Variants in MAGI3 observed in about 807,000 individuals in gnomAD.
MAGI3 encodes membrane associated guanylate kinase, WW and PDZ domain containing 3, also known as membrane-associated guanylate kinase, WW and PDZ domain-containing protein 3.
MAGI3 carries 43 observed loss-of-function variants against 121.8 expected under a neutral mutation model. The observed-to-expected ratio is 0.35, with a 90% CI of 0.28 to 0.46. MAGI3 has a LOEUF of 0.46. Ranked by LOEUF, MAGI3 falls within the 20% of genes least tolerant of loss-of-function variation. The pLI is 1.00. For synonymous variants in MAGI3, 553 were observed against 639.3 expected (o/e 0.86, Z 2.04); for missense variants, 1,547 against 1,797.3 (o/e 0.86, Z 2.52).
intron 1 of MAGI3, among the ~76,000 whole-genome samples, chr1:113,413,227 A>G (rs1271803960): frequency 2.0e-5 from 3 of 152,008 alleles, no homozygotes; most frequent in African/African-American, 7.3e-5. Context: ...GTTCTGTTCC[A>G]TTGGCCTATA....
intron 15 of MAGI3, among the ~76,000 whole-genome samples, chr1:113,654,539 T>C (rs143640343): frequency 3.9e-4 from 60 of 152,292 alleles, no homozygotes; most frequent in African/African-American, 1.3e-3. Context: ...CTTTTATAAA[T>C]GTTTCATTGA....
At chr1:113,673,000 C>T (rs1433637714) in intron 18 of MAGI3, among the ~76,000 whole-genome samples, 1 of 152,196 alleles carries the variant, frequency 6.6e-6, no homozygotes, top group Non-Finnish European at 1.5e-5. Context: ...TAATCAAATT[C>T]AGGTTTTTTT....
intron 1 of MAGI3, among the ~76,000 whole-genome samples, chr1:113,439,724 G>T (rs1173445450): frequency 6.6e-6 from 1 of 152,128 alleles, no homozygotes; most frequent in Non-Finnish European, 1.5e-5. Flanking sequence ...TAATTGTGTT[G>T]TTTTAGACAC....
Position 113,564,777 on chromosome 1 carries a change from A to T in MAGI3, c.433+15146A>T, listed in dbSNP as rs114074086. Among the ~76,000 whole-genome samples the T allele has an allele frequency of 8.5e-3, 1,290 of 152,264 alleles. 13 individuals are homozygous for T. The highest frequency in any genetic ancestry group is 0.03 in the African/African-American group (1,228 of 41,540). Reference sequence around the variant, plus strand: ...AAAAATCATTTAAAATTTGAAAGATAATCACATACGTATTTAGTATTTGAA... The same window carrying T: ...AAAAATCATTTAAAATTTGAAAGATTATCACATACGTATTTAGTATTTGAA... On this transcript the variant is annotated intron_variant, in intron 2 of 20. Coordinates refer to ENST00000307546, the MANE Select transcript of MAGI3 (RefSeq NM_001142782.2).
intron 2 of MAGI3, among the ~76,000 whole-genome samples, chr1:113,580,111 G>A (rs1446649250): frequency 1.1e-4 from 17 of 151,998 alleles, no homozygotes; most frequent in Admixed American, 1.1e-3. Flanking sequence ...TACTTGAAGA[G>A]AATAATGGCT....
intron 6 of MAGI3, among the ~76,000 whole-genome samples, chr1:113,613,033 T>C (rs1236380536): frequency 6.6e-6 from 1 of 152,058 alleles, no homozygotes; most frequent in Non-Finnish European, 1.5e-5. Context: ...AAGAAAAAAA[T>C]ATTTTTCATG....
intron 1 of MAGI3, among the ~76,000 whole-genome samples, chr1:113,512,019 A>G (rs1438401975): frequency 1.3e-5 from 2 of 152,188 alleles, no homozygotes; most frequent in Non-Finnish European, 1.5e-5. Context: ...TTCTCTTTAA[A>G]TGTAGAGGTC....
intron 1 of MAGI3, among the ~76,000 whole-genome samples, chr1:113,429,990 T>A (rs1653219339): frequency 6.6e-6 from 1 of 152,144 alleles, no homozygotes; most frequent in Non-Finnish European, 1.5e-5. Context: ...TCAGAAACAC[T>A]AAGTGAAACA....
chr1:113,640,871 A>G (rs1557868520), intron 9 of MAGI3, among the ~76,000 whole-genome samples: 1 of 147,164 alleles, frequency 6.8e-6, no homozygotes, highest in Non-Finnish European at 1.5e-5. Flanking sequence ...CTGCACTTGC[A>G]TCCTGGAACT....
chr1:113,432,393 C>T (rs1311189601), intron 1 of MAGI3, among the ~76,000 whole-genome samples: 1 of 152,130 alleles, frequency 6.6e-6, no homozygotes, highest in Non-Finnish European at 1.5e-5. Context: ...CACATTTTAA[C>T]CAGGTAGTTT....
intron 1 of MAGI3, among the ~76,000 whole-genome samples, chr1:113,471,955 A>G (rs1381115573): frequency 2.0e-5 from 3 of 152,132 alleles, no homozygotes; most frequent in African/African-American, 7.2e-5. Context: ...TCTGGTCCAT[A>G]TGTTGGGTGC....
intron 19 of MAGI3, among the ~76,000 whole-genome samples, chr1:113,680,694 T>C (rs1198614525): frequency 6.6e-6 from 1 of 151,934 alleles, no homozygotes. Flanking sequence ...GAGGCGGAGC[T>C]TGCAGTGAGC....
chr1:113,503,761 G>A (rs1048168238), intron 1 of MAGI3, among the ~76,000 whole-genome samples: 2 of 151,182 alleles, frequency 1.3e-5, no homozygotes, highest in Admixed American at 1.3e-4. Context: ...TATTGGCTTA[G>A]CTTGGTTATT....
chr1:113,646,548 T>A lies in MAGI3; in HGVS notation c.2061T>A (p.Pro687=). Residue 687 remains proline, a synonymous_variant, in exon 12 of 21, where the codon CCT becomes CCA. Transcript: ENST00000307546. ...LEAINEPIPQ[P]MPFPPSIIRS... ...CCATAAATGAGCCTATTCCTCAGCC[T>A]ATGCCTTTTCCACCGAGCATTATCA... 6.2e-7 allele frequency: 1 copy of A among 1,613,692 alleles called. No individual in the cohort carries two copies. The highest frequency in any genetic ancestry group is 8.5e-7 in the Non-Finnish European group (1 of 1,179,750).
intron 1 of MAGI3, among the ~76,000 whole-genome samples, chr1:113,546,287 G>A (rs1194617900): frequency 6.6e-6 from 1 of 152,108 alleles, no homozygotes; most frequent in African/African-American, 2.4e-5. Context: ...TCAAAAAAGT[G>A]TGATAACTTT....
intron 19 of MAGI3, among the ~76,000 whole-genome samples, chr1:113,680,665 T>G (rs541346552): frequency 4.7e-4 from 71 of 151,968 alleles, no homozygotes; most frequent in African/African-American, 8.7e-4. Context: ...GCTGAGGTAG[T>G]AGAATGGCGT....
rs745449882 is a variant in MAGI3 at position 113,642,042 on chromosome 1, G to T, written c.1492G>T (p.Asp498Tyr). The stretch of plus-strand genomic sequence containing the variant: ...TTTATGTCGTGGTTATCCACTTCCT[G>T]ATGACAGTGAAGATCCTGTTGTGGA... The part of the protein sequence containing the change: ...LTLCRGYPLP[D>Y]DSEDPVVDIV... Residue 498 changes from aspartate (D) to tyrosine (Y), a missense_variant, in exon 10 of 21, where the codon GAT (aspartate) becomes TAT (tyrosine). Asp to Tyr is a radical substitution (Grantham distance 160, BLOSUM62 -3). Coordinates refer to ENST00000307546, the MANE Select transcript of MAGI3 (RefSeq NM_001142782.2). 6.2e-7 allele frequency: 1 copy of T among 1,614,132 alleles called. No individual in the cohort carries two copies. The highest frequency in any genetic ancestry group is 8.5e-7 in the Non-Finnish European group (1 of 1,180,028).
chr1:113,419,696 T>C (rs1570649155), intron 1 of MAGI3, among the ~76,000 whole-genome samples: 1 of 152,142 alleles, frequency 6.6e-6, no homozygotes, highest in East Asian at 1.9e-4. Flanking sequence ...GCAAAGAGAG[T>C]GATTGGTTTC....
rs1370992802 is a variant in MAGI3 at position 113,646,502 on chromosome 1, A to G, written c.2015A>G (p.Glu672Gly). The change falls in exon 12 of 21, where the codon GAA becomes GGA. Residue 672 changes from glutamate (E) to glycine (G), a missense_variant. Glu to Gly is a moderately conservative substitution (Grantham distance 98, BLOSUM62 -2). Transcript: ENST00000307546. ...KTAKMKTDKK[E>G]NAGSLEAINE... ...CCATTTCAGAAAACAGATAAAAAGG[A>G]AAATGCAGGAAGTTTGGAGGCCATA... is the stretch of plus-strand genomic sequence containing the variant. 3 of 1,595,490 alleles carry G rather than the reference A, an allele frequency of 1.9e-6. No homozygotes were observed. The highest frequency in any genetic ancestry group is 8.5e-7 in the Non-Finnish European group (1 of 1,174,164).
Sources: allele counts gnomAD v4.1 joint callset (sites outside exome capture counted in the v4.1 genomes callset), GRCh38; gene constraint gnomAD v4.1.1; transcripts MANE v1.5; gene names NCBI Gene and HGNC (gene_info 2026-07-23, HGNC 2026-07-21).